The following MAGI1 variants were observed in gnomAD, a reference collection of about 807,000 sequenced individuals.
MAGI1 encodes membrane-associated guanylate kinase, WW and PDZ domain-containing protein 1.
In MAGI1, 58 loss-of-function variants were observed where a neutral mutation model predicts 139.9. The ratio of observed to expected loss-of-function variants is 0.41; its 90% CI spans 0.34 to 0.52. The LOEUF (loss-of-function observed/expected upper bound fraction) is 0.52, where lower values mean the gene tolerates loss of function less well. Ranked by LOEUF, MAGI1 falls within the 20% of genes least tolerant of loss-of-function variation. MAGI1 has a pLI of 0.12. For missense variants in MAGI1, 1,874 were observed against 1,901.6 expected (o/e 0.99, Z 0.27); for synonymous variants, 812 against 737.9 (o/e 1.10, Z -1.63).
At chr3:65,678,805 T>C (rs1400372518) in intron 1 of MAGI1, among the ~76,000 whole-genome samples, 1 of 152,220 alleles carries the variant, frequency 6.6e-6, no homozygotes, top group Non-Finnish European at 1.5e-5. Context: ...TCTCCTACCC[T>C]GGAACTCAAC....
chr3:66,005,389 T>G (rs778579101), intron 1 of MAGI1, among the ~76,000 whole-genome samples: 1 of 152,172 alleles, frequency 6.6e-6, no homozygotes, highest in Non-Finnish European at 1.5e-5. Flanking sequence ...TCCTATGTTT[T>G]AAGGACAAAA....
intron 1 of MAGI1, among the ~76,000 whole-genome samples, chr3:65,994,287 A>AAC (rs1319550888): frequency 6.6e-6 from 1 of 151,748 alleles, no homozygotes; most frequent in Non-Finnish European, 1.5e-5. Flanking sequence ...AAAAAAAAAA[A>AAC]AAACACTGGT....
chr3:65,633,761 T>C (rs562197934), intron 1 of MAGI1, among the ~76,000 whole-genome samples: 1 of 152,348 alleles, frequency 6.6e-6, no homozygotes, highest in Non-Finnish European at 1.5e-5. Context: ...AAAGGATTTA[T>C]ATACAGAAAG....
intron 1 of MAGI1, among the ~76,000 whole-genome samples, chr3:65,628,062 T>A (rs1359518446): frequency 6.6e-6 from 1 of 151,446 alleles, no homozygotes; most frequent in Non-Finnish European, 1.5e-5. Context: ...CCTCCCCTAA[T>A]TTTTTTTTAG....
At chr3:65,809,425 G>T (rs529680409) in intron 1 of MAGI1, among the ~76,000 whole-genome samples, 1 of 152,302 alleles carries the variant, frequency 6.6e-6, no homozygotes, top group African/African-American at 2.4e-5. Flanking sequence ...TCCATTTCAA[G>T]TTCCTATAGA....
intron 2 of MAGI1, among the ~76,000 whole-genome samples, chr3:65,546,076 G>T (rs1420585160): frequency 2.6e-5 from 4 of 151,652 alleles, no homozygotes; most frequent in Non-Finnish European, 5.9e-5. Context: ...TCCCTCCCCA[G>T]AAACAACCAA....
intron 1 of MAGI1, among the ~76,000 whole-genome samples, chr3:65,866,917 C>G (rs748861099): frequency 3.3e-5 from 5 of 152,296 alleles, no homozygotes; most frequent in Non-Finnish European, 5.9e-5. Context: ...TGTGGTCAAT[C>G]AGCTGGACTG....
At chr3:65,655,062 T>G (rs2085794819) in intron 1 of MAGI1, among the ~76,000 whole-genome samples, 1 of 152,198 alleles carries the variant, frequency 6.6e-6, no homozygotes, top group African/African-American at 2.4e-5. Flanking sequence ...GCAAGCCCAG[T>G]TGCAAACATT....
At chr3:65,991,653 A>G (rs573318171) in intron 1 of MAGI1, among the ~76,000 whole-genome samples, 1 of 152,346 alleles carries the variant, frequency 6.6e-6, no homozygotes, top group African/African-American at 2.4e-5. Flanking sequence ...CTGACCAAAT[A>G]TGAGTTTTGA....
intron 1 of MAGI1, among the ~76,000 whole-genome samples, chr3:66,005,338 ATTTTC>A (rs1379575092): frequency 6.6e-6 from 1 of 152,042 alleles, no homozygotes; most frequent in Non-Finnish European, 1.5e-5. Flanking sequence ...CCATATCTTG[ATTTTC>A]TTTTGTCTCA....
intron 1 of MAGI1, among the ~76,000 whole-genome samples, chr3:65,980,008 C>T (rs771407504): frequency 2.0e-5 from 3 of 152,132 alleles, no homozygotes; most frequent in Non-Finnish European, 4.4e-5. Context: ...GAGCACATGG[C>T]CTTCAGCACA....
chr3:65,682,355 G>A (rs549062951), intron 1 of MAGI1, among the ~76,000 whole-genome samples: 1 of 152,274 alleles, frequency 6.6e-6, no homozygotes, highest in Admixed American at 6.5e-5. Flanking sequence ...TGTGGTACTG[G>A]CAAAGGGAAA....
chr3:65,608,955 C>G (rs2082893088), intron 2 of MAGI1, among the ~76,000 whole-genome samples: 1 of 152,114 alleles, frequency 6.6e-6, no homozygotes, highest in Non-Finnish European at 1.5e-5. Flanking sequence ...GGATGAATCT[C>G]AGAGAGTAAT....
chr3:65,867,634 C>G (rs914881756), intron 1 of MAGI1, among the ~76,000 whole-genome samples: 2 of 151,966 alleles, frequency 1.3e-5, no homozygotes, highest in East Asian at 3.9e-4. Context: ...ACTGTGGGGG[C>G]GAGAGGAGGT....
rs180782456 is a variant in MAGI1, at chr3:65,496,014, A to G, written c.431-2383T>C. Among the ~76,000 whole-genome samples, 116 of 152,230 alleles carry G rather than the reference A, an allele frequency of 7.6e-4. 1 individual carries two copies. The highest frequency in any genetic ancestry group is 2.7e-3 in the African/African-American group (113 of 41,562). On this transcript the variant is annotated intron_variant, in intron 2 of 22. Transcript: ENST00000402939. ...GAATGTCATCCTTAGAATGGTTTTGAGCAAGGGGGTGCGTTGATTTGGTTT... is the reference window on the plus strand; with the variant it reads ...GAATGTCATCCTTAGAATGGTTTTGGGCAAGGGGGTGCGTTGATTTGGTTT...
intron 5 of MAGI1, among the ~76,000 whole-genome samples, chr3:65,462,014 G>C (rs1368711890): frequency 6.6e-6 from 1 of 152,096 alleles, no homozygotes; most frequent in Non-Finnish European, 1.5e-5. Flanking sequence ...GTAGATGCTG[G>C]ATGTTAGCCC....
chr3:65,356,113 T>G lies in MAGI1; in HGVS notation c.*265A>C, dbSNP rs1575587326. 6.8e-6 allele frequency: 2 copies of G among 295,616 alleles called. No homozygotes were observed. Among genetic ancestry groups the G allele is most frequent in the Non-Finnish European group, 1.2e-5 (2 of 163,266 alleles). 18.3% of individuals were successfully genotyped at this position (295,616 alleles called of 1,614,324 possible). ...TCTACAGGTTACGTAGAAACAAAAT[T>G]TATATCCCTTTGGGCCAGCATTTGG... On this transcript the variant is annotated 3_prime_UTR_variant, in exon 23 of 23. Transcript: ENST00000402939.
intron 1 of MAGI1, among the ~76,000 whole-genome samples, chr3:65,797,817 A>G (rs77423142): frequency 0.029 from 4,395 of 152,316 alleles, 88 homozygotes; most frequent in Non-Finnish European, 0.041. Flanking sequence ...CAGGAAAAAT[A>G]ACACAGATTT....
Position 65,785,941 on chromosome 3 carries a change from T to C in MAGI1, c.314-163853A>G, listed in dbSNP as rs537514723. ...TATTCCTGCTGTCATCTTAACTTTT[T>C]TTTTTTTTTTCTTGAAACGGAGTCT... On this transcript the variant is annotated intron_variant, in intron 1 of 22. Transcript: ENST00000402939. 1.9e-3 allele frequency among the ~76,000 whole-genome samples: 290 copies of C among 151,930 alleles called. 1 individual carries two copies. The highest frequency in any genetic ancestry group is 4.9e-3 in the Admixed American group (75 of 15,284).
Sources: gnomAD v4.1 joint callset for allele counts (sites outside exome capture counted in the v4.1 genomes callset) on GRCh38, gnomAD v4.1.1 for gene constraint, MANE v1.5 for transcripts, NCBI Gene and HGNC (gene_info 2026-07-23, HGNC 2026-07-21) for gene names.